Variants in RAPGEF3 observed in about 807,000 individuals in gnomAD.
The protein encoded by RAPGEF3 is 9330170P05Rik.
In RAPGEF3, 103 loss-of-function variants were observed where a neutral mutation model predicts 129.8. That is an observed-to-expected ratio of 0.79 (90% CI 0.68 to 0.93). The LOEUF is 0.93. Ranked by LOEUF, RAPGEF3 falls within the 40% of genes least tolerant of loss-of-function variation. RAPGEF3 has a pLI of 0.00. For synonymous variants in RAPGEF3, 436 were observed against 482.6 expected (o/e 0.90, Z 1.26); for missense variants, 1,117 against 1,207.4 (o/e 0.93, Z 1.11).
chr12:47,739,048 T>A, intron 24 of RAPGEF3, 95 bp downstream of exon 24: 1 of 1,096,734 alleles, frequency 9.1e-7, no homozygotes, highest in Non-Finnish European at 1.3e-6. Flanking sequence ...CACACACAGA[T>A]AGGCATGGGA....
At chr12:47,750,988 C>T in intron 6 of RAPGEF3, 60 bp downstream of exon 6, 1 of 1,554,572 alleles carries the variant, frequency 6.4e-7, no homozygotes, top group Non-Finnish European at 8.7e-7. Context: ...ATCTGAGAAA[C>T]CGTGAAATCT....
chr12:47,755,700 A>G lies in RAPGEF3; in HGVS notation c.219+2166T>C, dbSNP rs1942014350. ...CTTTCATTTTCTCTTGTCCTGGTCT[A>G]GGTAGGAACAGAAAGAGCTGTCTTC... On this transcript the variant is annotated intron_variant, in intron 2 of 27. Coordinates refer to ENST00000449771, the MANE Select transcript of RAPGEF3 (RefSeq NM_001098531.4). 4 of 152,304 alleles carry G rather than the reference A, an allele frequency of 2.6e-5. No homozygotes were observed. The South Asian group carries it at 8.3e-4, about 32-fold the overall frequency. 9.4% of individuals were successfully genotyped at this position (152,304 alleles called of 1,614,324 possible).
chr12:47,758,525 C>G, intron 1 of RAPGEF3, 26 bp downstream of exon 1: 1 of 1,613,504 alleles, frequency 6.2e-7, no homozygotes, highest in Non-Finnish European at 8.5e-7. Flanking sequence ...CCTGCTCCTC[C>G]TCAACCCTGA....
intron 2 of RAPGEF3, among the ~76,000 whole-genome samples, chr12:47,756,928 C>A (rs1942097074): frequency 6.6e-6 from 1 of 151,030 alleles, no homozygotes; most frequent in Admixed American, 6.6e-5. Context: ...AAGATTGCTT[C>A]ACTGCACTCC....
At chr12:47,744,401 ATT>A (rs1175630957) in intron 16 of RAPGEF3, 1 of 325,006 alleles carries the variant, frequency 3.1e-6, no homozygotes, top group African/African-American at 2.2e-5. Context: ...TCCAGCTACC[ATT>A]TGCTACAAGC....
intron 18 of RAPGEF3, 115 bp from the exon 19 acceptor site, chr12:47,741,717 G>A (rs765132103): frequency 7.6e-5 from 65 of 852,734 alleles, no homozygotes; most frequent in Non-Finnish European, 1.0e-4. Flanking sequence ...TCCTAGTAGC[G>A]GGGTTGAAGT....
chr12:47,748,732 G>T, intron 11 of RAPGEF3, 87 bp downstream of exon 11: 2 of 1,154,544 alleles, frequency 1.7e-6, no homozygotes, highest in Non-Finnish European at 1.3e-6. Flanking sequence ...GTGGCCAGAG[G>T]GCAGGGATAT....
At chr12:47,744,269 T>G in intron 16 of RAPGEF3, 1 of 592,152 alleles carries the variant, frequency 1.7e-6, no homozygotes, top group Admixed American at 3.0e-5. Context: ...ACAACATGTC[T>G]AAGGGCGGGG....
chr12:47,743,766 G>C, intron 17 of RAPGEF3, 90 bp from the exon 18 acceptor site: 1 of 1,521,552 alleles, frequency 6.6e-7, no homozygotes, highest in Non-Finnish European at 9.0e-7. Context: ...ATGGTGGGAG[G>C]GATCCCCAAG....
intron 18 of RAPGEF3, chr12:47,741,995 G>C (rs897908193): frequency 9.9e-6 from 2 of 201,836 alleles, no homozygotes; most frequent in African/African-American, 4.5e-5. Flanking sequence ...ATTGGGAAGT[G>C]TCTTATATAA....
intron 18 of RAPGEF3, among the ~76,000 whole-genome samples, chr12:47,742,818 G>T (rs143254057): frequency 3.9e-4 from 60 of 152,324 alleles, no homozygotes; most frequent in African/African-American, 1.4e-3. Context: ...GCCTTCACGG[G>T]TCTGGGAGTC....
At position 47,741,599 on chromosome 12, in the gene RAPGEF3, G is replaced by A; in HGVS notation, c.1829C>T (p.Ala610Val). 1 of 1,613,354 alleles carries A rather than the reference G, an allele frequency of 6.2e-7. No individual in the cohort carries two copies. The highest frequency in any genetic ancestry group is 8.5e-7 in the Non-Finnish European group (1 of 1,179,476). ...ACGGGCATCTGGCTGCAGGCCAATG[G>A]CATCTGCAAAGACAGCAGAGGCGGA... The part of the protein sequence containing the change: ...VLVKVNSAGD[A>V]IGLQPDARGV... The change falls in exon 19 of 28, where the codon GCC becomes GTC. Residue 610 changes from alanine to valine, a missense_variant. Transcript: ENST00000449771.
At chr12:47,739,903 A>G (rs1481351885) in intron 23 of RAPGEF3, 1 of 589,892 alleles carries the variant, frequency 1.7e-6, no homozygotes, top group African/African-American at 1.9e-5. Context: ...GCCCCCATGC[A>G]CACACTGAGG....
chr12:47,748,021 C>A lies in RAPGEF3; in HGVS notation c.1322+53G>T. The A allele has an allele frequency of 4.5e-6, 7 of 1,546,626 alleles. No individual in the cohort carries two copies. The South Asian group carries it at 8.1e-5, about 18-fold the overall frequency. ...ACGCTGGTGAGATTTTCTCTCAACC[C>A]CACGCACCATCCTATCCCCATGCAC... On this transcript the variant is annotated intron_variant, in intron 13 of 27. Transcript: ENST00000449771.
chr12:47,738,150 T>G, intron 26 of RAPGEF3, 43 bp downstream of exon 26: 1 of 1,613,776 alleles, frequency 6.2e-7, no homozygotes, highest in Non-Finnish European at 8.5e-7. Context: ...TCACAGAGGA[T>G]GTAGGGTGGG....
Position 47,740,408 on chromosome 12 carries a change from GACC to G in RAPGEF3, c.2232-16_2232-14del. 6.2e-7 allele frequency: 1 copy of G among 1,612,276 alleles called. No homozygotes were observed. The highest frequency in any genetic ancestry group is 8.5e-7 in the Non-Finnish European group (1 of 1,178,890). On this transcript the variant is annotated splice_polypyrimidine_tract_variant and intron_variant, in intron 21 of 27. Transcript: ENST00000449771. ...CTGCTCCTTGAGGCTGTGAGCAGAA[GACC>G]CAGAGACCCTCAGGGTAAGGGAAGC...
At chr12:47,739,331 A>G in intron 23 of RAPGEF3, 101 bp from the exon 24 acceptor site, 1 of 917,898 alleles carries the variant, frequency 1.1e-6, no homozygotes, top group Non-Finnish European at 1.8e-6. Context: ...CAGCAGGTGC[A>G]GAGGCCCCAA....
rs373563900 is a variant in RAPGEF3 at position 47,747,628 on chromosome 12, T to C, written c.1474-2A>G. ...CCTGCCCACCAGGTCTGAGAGTTTC[T>C]AAGAAGAGCCAAGATTCACTGAGAT... On this transcript the variant is annotated splice_acceptor_variant, in intron 14 of 27. Coordinates refer to ENST00000449771, the MANE Select transcript of RAPGEF3 (RefSeq NM_001098531.4). LOFTEE classifies it high-confidence loss of function. The C allele has an allele frequency of 1.2e-6, 2 of 1,613,818 alleles. No individual in the cohort carries two copies. The highest frequency in any genetic ancestry group is 8.5e-7 in the Non-Finnish European group (1 of 1,179,848).
At chr12:47,744,174 A>T in intron 16 of RAPGEF3, 106 bp from the exon 17 acceptor site, 1 of 900,034 alleles carries the variant, frequency 1.1e-6, no homozygotes, top group Non-Finnish European at 1.7e-6. Context: ...GGCGCCACAC[A>T]GCATTCACAC....
Sources: allele counts gnomAD v4.1 joint callset (sites outside exome capture counted in the v4.1 genomes callset), GRCh38; gene constraint gnomAD v4.1.1; transcripts MANE v1.5; gene names NCBI Gene and HGNC (gene_info 2026-07-23, HGNC 2026-07-21).